Variants in XDH observed in about 807,000 individuals in gnomAD.
XDH encodes the protein xanthine dehydrogenase.
XDH carries 138 observed loss-of-function variants against 156.1 expected under a neutral mutation model. The observed-to-expected ratio is 0.88, with a 90% CI of 0.77 to 1.02. The LOEUF is 1.02. Among genes scored for constraint, XDH ranks in the 50% least tolerant of loss-of-function variants. The pLI is 0.00. For synonymous variants in XDH, 669 were observed against 625.7 expected (o/e 1.07, Z -1.03); for missense variants, 1,849 against 1,684.9 (o/e 1.10, Z -1.71).
intron 1 of XDH, among the ~76,000 whole-genome samples, chr2:31,413,878 T>A (rs532702298): frequency 2.4e-4 from 36 of 152,258 alleles, no homozygotes; most frequent in Non-Finnish European, 4.3e-4. Context: ...TTGCCCCCTC[T>A]CTCTCTGCAC....
intron 1 of XDH, among the ~76,000 whole-genome samples, chr2:31,410,982 T>C (rs962414929): frequency 1.3e-5 from 2 of 152,170 alleles, no homozygotes; most frequent in African/African-American, 2.4e-5. Flanking sequence ...GACTACAGTT[T>C]TGTAAGAATA....
intron 20 of XDH, 38 bp downstream of exon 20, chr2:31,367,923 G>T: frequency 6.2e-7 from 1 of 1,600,212 alleles, no homozygotes; most frequent in Non-Finnish European, 8.6e-7. Flanking sequence ...TGCAAACCAG[G>T]GCCACCCCAT....
rs753693087 is a variant in XDH, at chr2:31,374,076, C to G, written c.1603-120G>C. On this transcript the variant is annotated intron_variant, in intron 15 of 35. Transcript: ENST00000379416. ...TCCCCTTGTCTCTTCACTTCATACG[C>G]CTTTGAGTGCTGGCTGGATCTCTCA... 62 of 1,018,106 alleles carry G rather than the reference C, an allele frequency of 6.1e-5. No individual in the cohort carries two copies. The South Asian group carries it at 8.6e-4, about 14-fold the overall frequency. The allele number at this position is 1,018,106 out of a possible 1,614,324, so 63.1% of individuals were successfully genotyped here.
rs1175164583 is a variant in XDH, at chr2:31,373,969, G to C, written c.1603-13C>G. 2.5e-6 allele frequency: 4 copies of C among 1,611,220 alleles called. No individual in the cohort carries two copies. The highest frequency in any genetic ancestry group is 1.7e-6 in the Non-Finnish European group (2 of 1,178,190). On this transcript the variant is annotated splice_polypyrimidine_tract_variant and intron_variant, in intron 15 of 35. Coordinates refer to ENST00000379416, the MANE Select transcript of XDH (RefSeq NM_000379.4). ...GTTTACCACACTTCTGTGGAGACAA[G>C]AAAACAGAGGTGACCAGGATTATAT...
Position 31,383,788 on chromosome 2 carries a change from G to A in XDH, c.853C>T (p.Pro285Ser). The change falls in exon 10 of 36, where the codon CCT becomes TCT. Residue 285 changes from proline to serine, a missense_variant. Coordinates refer to ENST00000379416, the MANE Select transcript of XDH (RefSeq NM_000379.4). The part of the protein sequence containing the change: ...FPMIVCPAWI[P>S]ELNSVEHGPD... ...CCATGTTCTACCGAATTCAGCTCAG[G>A]GATCCAGGCTGGGCAGACAATCATA... The A allele has an allele frequency of 6.2e-7, 1 of 1,614,066 alleles. No individual in the cohort carries two copies. Among genetic ancestry groups the A allele is most frequent in the Non-Finnish European group, 8.5e-7 (1 of 1,180,024 alleles).
chr2:31,414,248 T>G (rs137975771), intron 1 of XDH, among the ~76,000 whole-genome samples: 1 of 152,148 alleles, frequency 6.6e-6, no homozygotes, highest in East Asian at 1.9e-4. Context: ...ACGTAAATTT[T>G]AGGATATATT....
At chr2:31,382,962 C>T (rs747605882) in intron 11 of XDH, 39 bp downstream of exon 11, 4 of 1,613,640 alleles carry the variant, frequency 2.5e-6, no homozygotes, top group Non-Finnish European at 8.5e-7. Context: ...GATGAAAGCT[C>T]CATCCTACGG....
rs756987296 is a variant in XDH at position 31,335,935 on chromosome 2, A to G, written c.*23T>C. The stretch of plus-strand genomic sequence containing the variant: ...ATGGAAGCCCAAAGGCAGCACAAGA[A>G]GACTCTGCTGAGGACTCTCTCTTTA... On this transcript the variant is annotated 3_prime_UTR_variant, in exon 36 of 36. Coordinates refer to ENST00000379416, the MANE Select transcript of XDH (RefSeq NM_000379.4). 1.9e-6 allele frequency: 3 copies of G among 1,613,998 alleles called. No homozygotes were observed. Among genetic ancestry groups the G allele is most frequent in the Non-Finnish European group, 2.5e-6 (3 of 1,179,836 alleles).
At chr2:31,377,559 G>A (rs1039911672) in intron 13 of XDH, among the ~76,000 whole-genome samples, 1 of 152,062 alleles carries the variant, frequency 6.6e-6, no homozygotes, top group African/African-American at 2.4e-5. Flanking sequence ...TTTCACAAAG[G>A]CTCCTTAGAG....
intron 13 of XDH, among the ~76,000 whole-genome samples, chr2:31,378,082 GAA>G (rs1686302178): frequency 5.2e-5 from 2 of 38,776 alleles, no homozygotes; most frequent in Non-Finnish European, 9.3e-5. Flanking sequence ...AAGAAAGAAA[GAA>G]AGAAAGAAAG....
At position 31,375,454 on chromosome 2, in the gene XDH, T is replaced by C; in HGVS notation, c.1528A>G (p.Thr510Ala). Residue 510 changes from threonine to alanine, a missense_variant, in exon 15 of 36, where the codon ACC (threonine) becomes GCC (alanine). Thr to Ala is a moderately conservative substitution (Grantham distance 58, BLOSUM62 0). Coordinates refer to ENST00000379416, the MANE Select transcript of XDH (RefSeq NM_000379.4). ...APGGMVDFRC[T>A]LTLSFFFKFY... ...TTGAAGAAGAAGCTGAGGGTGAGGGTGCACCGGAAGTCCACCATGCCACCA... is the reference window on the plus strand; with the variant it reads ...TTGAAGAAGAAGCTGAGGGTGAGGGCGCACCGGAAGTCCACCATGCCACCA... The C allele has an allele frequency of 6.2e-7, 1 of 1,614,098 alleles. No homozygotes were observed. The highest frequency in any genetic ancestry group is 8.5e-7 in the Non-Finnish European group (1 of 1,180,028).
Position 31,405,296 on chromosome 2 carries a change from G to A in XDH, c.100+611C>T, listed in dbSNP as rs559949857. On this transcript the variant is annotated intron_variant, in intron 2 of 35. Coordinates refer to ENST00000379416, the MANE Select transcript of XDH (RefSeq NM_000379.4). ...ATTATTATTATCGTTTTAGTTCCAG[G>A]GTCCCAGAATACTTCCGATACTCAG... Among the ~76,000 whole-genome samples, 7 of 152,198 alleles carry A rather than the reference G, an allele frequency of 4.6e-5. No homozygotes were observed. The South Asian group carries it at 1.2e-3, about 27-fold the overall frequency.
chr2:31,369,002 A>G (rs1217350681), intron 18 of XDH, among the ~76,000 whole-genome samples: 1 of 152,210 alleles, frequency 6.6e-6, no homozygotes, highest in African/African-American at 2.4e-5. Flanking sequence ...ATTCACTCCA[A>G]CACCATTGGT....
Position 31,350,193 on chromosome 2 carries a change from TG to T in XDH, c.2661del (p.Asp887GlufsTer42). The T allele has an allele frequency of 1.2e-6, 2 of 1,614,112 alleles. No individual in the cohort carries two copies. Among genetic ancestry groups the T allele is most frequent in the Non-Finnish European group, 8.5e-7 (1 of 1,180,030 alleles). ...SIMERALFHM[D>X]NCYKIPNIRG... ...CGGATGTTGGGGATTTTATAGCAGT[TG>T]TCCATGTGGAATAAAGCTCGTTCCA... On this transcript the variant is annotated frameshift_variant, in exon 25 of 36. Coordinates refer to ENST00000379416, the MANE Select transcript of XDH (RefSeq NM_000379.4). LOFTEE classifies it high-confidence loss of function.
intron 6 of XDH, among the ~76,000 whole-genome samples, chr2:31,389,415 G>A (rs538308025): frequency 3.4e-4 from 52 of 152,268 alleles, no homozygotes; most frequent in African/African-American, 1.3e-3. Context: ...CACCAGACCT[G>A]CTCCGTCCAT....
chr2:31,388,111 C>T (rs1572556197), intron 7 of XDH, 116 bp downstream of exon 7: 1 of 1,228,802 alleles, frequency 8.1e-7, no homozygotes, highest in South Asian at 1.3e-5. Context: ...CTGCCATCAC[C>T]GACTCACCGT....
Position 31,368,677 on chromosome 2 carries a change from A to G in XDH, c.1981-17T>C. The G allele has an allele frequency of 6.2e-7, 1 of 1,614,216 alleles. No individual in the cohort carries two copies. The highest frequency in any genetic ancestry group is 1.1e-5 in the South Asian group (1 of 91,088). ...ACAAGTAACCTAGTAGCAGAGACAG[A>G]CTGTTAAAGAACGCAACCAGGCTCA... On this transcript the variant is annotated splice_polypyrimidine_tract_variant and intron_variant, in intron 18 of 35. Coordinates refer to ENST00000379416, the MANE Select transcript of XDH (RefSeq NM_000379.4).
chr2:31,370,398 A>G lies in XDH; in HGVS notation c.1937T>C (p.Ile646Thr). 1 of 1,614,208 alleles carries G rather than the reference A, an allele frequency of 6.2e-7. No homozygotes were observed. Among genetic ancestry groups the G allele is most frequent in the Non-Finnish European group, 8.5e-7 (1 of 1,180,036 alleles). ...ISADDVPGSN[I>T]TGICNDETVF... ...TGTCTCATCATTACAAATTCCAGTT[A>G]TGTTACTCCCAGGAACATCATCAGC... The change falls in exon 18 of 36, where the codon ATA becomes ACA. Residue 646 changes from isoleucine to threonine, a missense_variant. Coordinates refer to ENST00000379416, the MANE Select transcript of XDH (RefSeq NM_000379.4).
At chr2:31,337,176 C>A (rs1361924124) in intron 35 of XDH, among the ~76,000 whole-genome samples, 1 of 152,052 alleles carries the variant, frequency 6.6e-6, no homozygotes, top group East Asian at 1.9e-4. Flanking sequence ...TCCCCAGTAT[C>A]AGAATGGCAC....
Sources: allele counts gnomAD v4.1 joint callset (sites outside exome capture counted in the v4.1 genomes callset), GRCh38; gene constraint gnomAD v4.1.1; transcripts MANE v1.5; gene names NCBI Gene and HGNC (gene_info 2026-07-23, HGNC 2026-07-21).